Variants in CDKN3 observed in about 807,000 individuals in gnomAD.
CDKN3 encodes the protein cyclin-dependent kinase inhibitor 3.
A neutral mutation model predicts 36.1 loss-of-function variants in CDKN3; 19 were observed. The ratio of observed to expected loss-of-function variants is 0.53; its 90% CI spans 0.37 to 0.77. The LOEUF is 0.77. Ranked by LOEUF, CDKN3 falls within the 30% of genes least tolerant of loss-of-function variation. The probability of loss-of-function intolerance (pLI) is 0.00; values close to 1 mark genes in which losing one functional copy is unlikely to be tolerated. For missense variants in CDKN3, 188 were observed against 248.6 expected, an observed-to-expected ratio of 0.76 and a Z score of 1.64; for synonymous variants, 71 against 85.3, an observed-to-expected ratio of 0.83 and a Z score of 0.92.
chr14:54,397,173 G>C, intron 1 of CDKN3, 96 bp downstream of exon 1: 1 of 1,292,158 alleles, frequency 7.7e-7, no homozygotes, highest in Non-Finnish European at 1.0e-6. Context: ...CCCTAGCCTG[G>C]TAGCAGTGCG....
At chr14:54,419,680 T>C (rs939914735) in intron 7 of CDKN3, among the ~76,000 whole-genome samples, 5 of 152,328 alleles carry the variant, frequency 3.3e-5, no homozygotes, top group African/African-American at 1.2e-4. Context: ...GCAAAAATAA[T>C]GCCATTATGT....
chr14:54,412,836 A>G (rs773712356), intron 5 of CDKN3: 2 of 513,354 alleles, frequency 3.9e-6, no homozygotes, highest in Non-Finnish European at 7.8e-6. Context: ...CCTTTCTCGA[A>G]TAAGGTAGGG....
intron 5 of CDKN3, among the ~76,000 whole-genome samples, chr14:54,414,518 A>G (rs1019733659): frequency 6.6e-6 from 1 of 152,010 alleles, no homozygotes; most frequent in African/African-American, 2.4e-5. Flanking sequence ...TCTTGCAAAA[A>G]GACACTGAAG....
At chr14:54,405,725 A>G (rs969473732) in intron 3 of CDKN3, among the ~76,000 whole-genome samples, 2 of 151,972 alleles carry the variant, frequency 1.3e-5, no homozygotes, top group Non-Finnish European at 2.9e-5. Context: ...TTTTGAGCCT[A>G]TGTGTGTCTC....
rs76192066 is a variant in CDKN3 at position 54,415,962 on chromosome 14, C to T, written c.448+32C>T. Reference sequence around the variant, plus strand: ...AATATATTTCTATTATTTTTTTAACCGCCAAATAGACAAACTTCTGTTTCC... The same window carrying T: ...AATATATTTCTATTATTTTTTTAACTGCCAAATAGACAAACTTCTGTTTCC... On this transcript the variant is annotated intron_variant, in intron 6 of 7. Transcript: ENST00000335183. 8.6e-4 allele frequency: 1,266 copies of T among 1,471,526 alleles called. 5 individuals carry two copies. The African/African-American group carries it at 0.012, about 14-fold the overall frequency. 91.2% of individuals were successfully genotyped at this position (1,471,526 alleles called of 1,614,324 possible).
chr14:54,398,777 A>C (rs1271577193), intron 1 of CDKN3, among the ~76,000 whole-genome samples: 1 of 152,088 alleles, frequency 6.6e-6, no homozygotes, highest in Non-Finnish European at 1.5e-5. Context: ...AGTCTATCTC[A>C]ATCTCTCTAG....
intron 5 of CDKN3, among the ~76,000 whole-genome samples, chr14:54,412,529 G>T (rs768663585): frequency 9.9e-5 from 15 of 152,166 alleles, no homozygotes; most frequent in Non-Finnish European, 2.1e-4. Flanking sequence ...CTCTCATTGT[G>T]TGTCAGTGGC....
intron 4 of CDKN3, chr14:54,411,239 A>T (rs568572500): frequency 3.1e-4 from 149 of 473,400 alleles, no homozygotes; most frequent in South Asian, 1.9e-3. Flanking sequence ...GCAAAAAAAA[A>T]TTTTTTGCAA....
chr14:54,400,180 C>A (rs959762425), intron 2 of CDKN3, among the ~76,000 whole-genome samples: 5 of 135,406 alleles, frequency 3.7e-5, no homozygotes, highest in African/African-American at 1.4e-4. Context: ...AGAATAAGAC[C>A]CTTTTTTTTT....
chr14:54,418,187 T>C, intron 7 of CDKN3: 1 of 702,774 alleles, frequency 1.4e-6, no homozygotes, highest in Non-Finnish European at 2.6e-6. Context: ...ATAATGAAAA[T>C]TTGAACTTCC....
intron 1 of CDKN3, among the ~76,000 whole-genome samples, chr14:54,399,023 T>A (rs2139963685): frequency 7.5e-6 from 1 of 132,452 alleles, no homozygotes; most frequent in Non-Finnish European, 1.6e-5. Flanking sequence ...TCATGCCCTG[T>A]CAGCCAGGCT....
At chr14:54,417,806 A>T in intron 6 of CDKN3, 42 bp from the exon 7 acceptor site, 1 of 1,061,686 alleles carries the variant, frequency 9.4e-7, no homozygotes, top group Non-Finnish European at 1.4e-6. Flanking sequence ...CCCTGTCACT[A>T]GTTATTTAAT....
intron 7 of CDKN3, among the ~76,000 whole-genome samples, chr14:54,419,106 C>T (rs1192836838): frequency 2.6e-5 from 4 of 150,966 alleles, no homozygotes; most frequent in South Asian, 2.1e-4. Context: ...TGCAGTGAAC[C>T]GAGATCACAC....
intron 6 of CDKN3, among the ~76,000 whole-genome samples, chr14:54,416,220 ATAGAG>A (rs1184110355): frequency 1.7e-4 from 26 of 152,216 alleles, no homozygotes; most frequent in Non-Finnish European, 3.5e-4. Context: ...AGGTGTTATA[ATAGAG>A]TAACTTCCAA....
intron 7 of CDKN3, among the ~76,000 whole-genome samples, chr14:54,419,390 A>G (rs980822507): frequency 1.3e-5 from 2 of 152,194 alleles, no homozygotes; most frequent in African/African-American, 4.8e-5. Flanking sequence ...CTCAATAAGG[A>G]TATGAAATGA....
chr14:54,411,415 C>T, intron 4 of CDKN3, 69 bp from the exon 5 acceptor site: 2 of 1,195,714 alleles, frequency 1.7e-6, no homozygotes, highest in South Asian at 1.3e-5. Context: ...CATATTCTCC[C>T]TCTTGATGGT....
intron 4 of CDKN3, among the ~76,000 whole-genome samples, chr14:54,411,007 C>T (rs530717214): frequency 2.6e-4 from 39 of 151,934 alleles, no homozygotes; most frequent in African/African-American, 8.0e-4. Flanking sequence ...GGTGAAACCC[C>T]GTCTCTACTA....
chr14:54,399,961 C>A lies in CDKN3; in HGVS notation c.77C>A (p.Pro26Gln). ...DEEPIEDEQT[P>Q]IHISWLSLSR... ...GAGCCTATTGAAGATGAACAGACTCCAATTCATATATCATGGTATGTTAGC... is the reference window on the plus strand; with the variant it reads ...GAGCCTATTGAAGATGAACAGACTCAAATTCATATATCATGGTATGTTAGC... Residue 26 changes from proline to glutamine, a missense_variant, in exon 2 of 8, where the codon CCA becomes CAA. Pro to Gln is a moderately conservative substitution (Grantham distance 76). Transcript: ENST00000335183. The A allele has an allele frequency of 6.8e-7, 1 of 1,477,386 alleles. No individual in the cohort carries two copies. The highest frequency in any genetic ancestry group is 9.5e-7 in the Non-Finnish European group (1 of 1,055,688). The allele number at this position is 1,477,386 out of a possible 1,614,324, so 91.5% of individuals were successfully genotyped here. A position where few individuals can be genotyped will look rare whatever the true frequency, so the allele number is the denominator to read the frequency against.
chr14:54,417,153 G>A (rs1391792825), intron 6 of CDKN3, among the ~76,000 whole-genome samples: 1 of 152,190 alleles, frequency 6.6e-6, no homozygotes, highest in Admixed American at 6.5e-5. Flanking sequence ...ATTAACATAT[G>A]ACCCAGCAAT....
Sources: allele counts gnomAD v4.1 joint callset (sites outside exome capture counted in the v4.1 genomes callset), GRCh38; gene constraint gnomAD v4.1.1; transcripts MANE v1.5; gene names NCBI Gene and HGNC (gene_info 2026-07-23, HGNC 2026-07-21).